TGFA: variants seen among roughly 807,000 people sequenced by gnomAD.
TGFA encodes the protein protransforming growth factor alpha.
A neutral mutation model predicts 21.7 loss-of-function variants in TGFA; 12 were observed. The observed-to-expected ratio is 0.55, with a 90% CI of 0.35 to 0.90. The LOEUF is 0.90. Ranked by LOEUF, TGFA falls within the 40% of genes least tolerant of loss-of-function variation. The pLI, the probability that TGFA is intolerant of heterozygous loss-of-function variation, is 0.01. For missense variants in TGFA, 178 were observed against 210.8 expected, an observed-to-expected ratio of 0.84 and a Z score of 0.96; for synonymous variants, 79 against 88.1, an observed-to-expected ratio of 0.90 and a Z score of 0.58.
chr2:70,541,216 T>C (rs1204780070), intron 1 of TGFA, among the ~76,000 whole-genome samples: 9 of 152,250 alleles, frequency 5.9e-5, no homozygotes, highest in African/African-American at 1.9e-4. Context: ...TCTCCATCAA[T>C]AGCGATGGAT....
At chr2:70,506,708 G>T (rs140383104) in intron 2 of TGFA, among the ~76,000 whole-genome samples, 1 of 152,284 alleles carries the variant, frequency 6.6e-6, no homozygotes, top group Non-Finnish European at 1.5e-5. Context: ...TCAACCCTAT[G>T]ATAGGTACTA....
intron 2 of TGFA, among the ~76,000 whole-genome samples, chr2:70,481,925 C>A (rs1553495622): frequency 6.6e-6 from 1 of 152,180 alleles, no homozygotes; most frequent in Non-Finnish European, 1.5e-5. Flanking sequence ...AGACCCTGAC[C>A]CAGAACCTCC....
intron 2 of TGFA, among the ~76,000 whole-genome samples, chr2:70,479,539 T>G (rs1166014014): frequency 6.6e-6 from 1 of 152,238 alleles, no homozygotes; most frequent in Non-Finnish European, 1.5e-5. Context: ...TTTTTCAGCT[T>G]AAGAAAGTTC....
chr2:70,553,417 G>T, intron 1 of TGFA: 1 of 1,433,830 alleles, frequency 7.0e-7, no homozygotes, highest in South Asian at 1.5e-5. Context: ...GTAGGCATGT[G>T]TCTGAGCAGA....
chr2:70,523,373 C>T (rs1412980703), intron 1 of TGFA, among the ~76,000 whole-genome samples: 4 of 152,136 alleles, frequency 2.6e-5, no homozygotes, highest in Non-Finnish European at 4.4e-5. Context: ...CAAGACTTGC[C>T]ACAAGGAGTT....
chr2:70,489,409 TG>T (rs1413980630), intron 2 of TGFA, among the ~76,000 whole-genome samples: 3 of 152,344 alleles, frequency 2.0e-5, no homozygotes, highest in Admixed American at 2.0e-4. Context: ...CAGGATGTTC[TG>T]GGCTGCCTGG....
rs1376620511 is a variant in TGFA at position 70,537,649 on chromosome 2, G to C, written c.40+16079C>G. 3.3e-5 allele frequency among the ~76,000 whole-genome samples: 5 copies of C among 152,346 alleles called. No homozygotes were observed. The East Asian group carries it at 9.6e-4, about 29-fold the overall frequency. On this transcript the variant is annotated intron_variant, in intron 1 of 5. Coordinates refer to ENST00000295400, the MANE Select transcript of TGFA (RefSeq NM_003236.4). ...TGCCCTTAAACCAAAGCCTACTCCA[G>C]AGTAAGCCCCTAGTTCTTTGATTCT...
intron 1 of TGFA, among the ~76,000 whole-genome samples, chr2:70,540,627 A>C (rs1673108034): frequency 6.6e-6 from 1 of 152,218 alleles, no homozygotes; most frequent in African/African-American, 2.4e-5. Context: ...TTTCTACCCC[A>C]AGACTAAGTA....
chr2:70,547,833 A>C (rs437457), intron 1 of TGFA, among the ~76,000 whole-genome samples: 1 of 147,724 alleles, frequency 6.8e-6, no homozygotes, highest in African/African-American at 2.5e-5. Flanking sequence ...CTATCTATAG[A>C]TATATATAGA....
chr2:70,509,844 T>A (rs1672039682), intron 2 of TGFA, among the ~76,000 whole-genome samples: 1 of 152,146 alleles, frequency 6.6e-6, no homozygotes, highest in Admixed American at 6.5e-5. Flanking sequence ...GTTAAGCAAG[T>A]AGCCACCCAA....
intron 1 of TGFA, among the ~76,000 whole-genome samples, chr2:70,529,887 T>C: frequency 6.6e-6 from 1 of 152,134 alleles, no homozygotes; most frequent in East Asian, 1.9e-4. Flanking sequence ...AAGGTCACAG[T>C]GGGGTGGCCA....
chr2:70,515,648 T>C (rs1397142814), intron 1 of TGFA, among the ~76,000 whole-genome samples: 2 of 152,120 alleles, frequency 1.3e-5, no homozygotes, highest in African/African-American at 4.8e-5. Flanking sequence ...GTCAAGCAGC[T>C]CACCCCTCTC....
intron 2 of TGFA, among the ~76,000 whole-genome samples, chr2:70,480,078 A>G (rs555735263): frequency 1.3e-5 from 2 of 152,348 alleles, no homozygotes; most frequent in South Asian, 2.1e-4. Flanking sequence ...ATAAAGACAG[A>G]AAAGGGGAAG....
chr2:70,517,860 C>T (rs1230217540), intron 1 of TGFA, among the ~76,000 whole-genome samples: 1 of 152,234 alleles, frequency 6.6e-6, no homozygotes, highest in East Asian at 1.9e-4. Flanking sequence ...CTTGGGGATT[C>T]TCCCACTGCC....
intron 5 of TGFA, chr2:70,451,818 C>CA: frequency 1.5e-6 from 1 of 680,228 alleles, no homozygotes; most frequent in Non-Finnish European, 2.6e-6. Context: ...CTCACTCCCC[C>CA]ACTGATTCCC....
At chr2:70,505,973 G>A (rs1671912096) in intron 2 of TGFA, among the ~76,000 whole-genome samples, 1 of 152,180 alleles carries the variant, frequency 6.6e-6, no homozygotes, top group Non-Finnish European at 1.5e-5. Context: ...GGACATCTGA[G>A]CCTCACTGGA....
intron 1 of TGFA, among the ~76,000 whole-genome samples, chr2:70,533,683 T>C (rs1553504005): frequency 1.3e-5 from 2 of 152,144 alleles, no homozygotes; most frequent in African/African-American, 4.8e-5. Flanking sequence ...ACAAATTAAC[T>C]GTGTTAACAC....
chr2:70,497,473 G>A (rs1671611350), intron 2 of TGFA, among the ~76,000 whole-genome samples: 1 of 152,192 alleles, frequency 6.6e-6, no homozygotes, highest in Non-Finnish European at 1.5e-5. Flanking sequence ...ACAAAATAAT[G>A]AAAAGCACTT....
chr2:70,460,007 G>A (rs2103680830), intron 3 of TGFA, among the ~76,000 whole-genome samples: 1 of 152,262 alleles, frequency 6.6e-6, no homozygotes, highest in East Asian at 1.9e-4. Context: ...CTACAGTTGG[G>A]ACCTCCCCAA....
Sources: gnomAD v4.1 joint callset for allele counts (sites outside exome capture counted in the v4.1 genomes callset) on GRCh38, gnomAD v4.1.1 for gene constraint, MANE v1.5 for transcripts, NCBI Gene and HGNC (gene_info 2026-07-23, HGNC 2026-07-21) for gene names.